Variants in PLEKHO1 observed in about 807,000 individuals in gnomAD.
The protein encoded by PLEKHO1 is pleckstrin homology domain-containing family O member 1.
A neutral mutation model predicts 41.4 loss-of-function variants in PLEKHO1; 22 were observed. The ratio of observed to expected loss-of-function variants is 0.53; its 90% CI spans 0.38 to 0.76. The LOEUF is 0.76. PLEKHO1 is among the 30% of genes least tolerant of loss of function. The probability of loss-of-function intolerance (pLI) is 0.00; values close to 1 mark genes in which losing one functional copy is unlikely to be tolerated. For missense variants in PLEKHO1, 488 were observed against 518.3 expected, an observed-to-expected ratio of 0.94 and a Z score of 0.57; for synonymous variants, 225 against 210.8, an observed-to-expected ratio of 1.07 and a Z score of -0.58.
chr1:150,152,131 C>T, intron 2 of PLEKHO1, among the ~76,000 whole-genome samples: 1 of 152,258 alleles, frequency 6.6e-6, no homozygotes. Flanking sequence ...TAAATAAAAC[C>T]TTTTATGGTA....
At chr1:150,157,778 T>C (rs1660235895) in intron 5 of PLEKHO1, among the ~76,000 whole-genome samples, 1 of 152,222 alleles carries the variant, frequency 6.6e-6, no homozygotes, top group Non-Finnish European at 1.5e-5. Flanking sequence ...GCTGTCTTGA[T>C]GGGTAACAAC....
At chr1:150,150,602 T>C in intron 1 of PLEKHO1, 1 of 271,928 alleles carries the variant, frequency 3.7e-6, no homozygotes, top group Non-Finnish European at 7.0e-6. Context: ...ACGCCGTTAG[T>C]CCCCGCGCGG....
rs782125454 is a variant in PLEKHO1 at position 150,159,093 on chromosome 1, G to T, written c.800G>T (p.Gly267Val). The T allele has an allele frequency of 6.2e-7, 1 of 1,613,914 alleles. No individual in the cohort carries two copies. The highest frequency in any genetic ancestry group is 1.1e-5 in the South Asian group (1 of 91,066). Residue 267 changes from glycine (G) to valine (V), a missense_variant, in exon 6 of 6, where the codon GGC becomes GTC. Around this residue, in one of 3 missense-constraint regions of PLEKHO1, gnomAD observed 337 missense variants for 324.6 expected, o/e 1.04. Transcript: ENST00000369124. ...AAGAAGTTGACGCCCACAGAGAAAG[G>T]CCGCTGCGCCTCCCTGGAGGAGATC... is the stretch of plus-strand genomic sequence containing the variant. ...APKKLTPTEK[G>V]RCASLEEILS...
At chr1:150,152,112 A>G (rs1553819162) in intron 2 of PLEKHO1, among the ~76,000 whole-genome samples, 1 of 152,176 alleles carries the variant, frequency 6.6e-6, no homozygotes, top group Non-Finnish European at 1.5e-5. Flanking sequence ...TCAGTAGATT[A>G]TATTTAGGTA....
Position 150,159,664 on chromosome 1 carries a change from A to C in PLEKHO1, c.*141A>C. 1 of 610,420 alleles carries C rather than the reference A, an allele frequency of 1.6e-6. No individual in the cohort carries two copies. Among genetic ancestry groups the C allele is most frequent in the Non-Finnish European group, 2.9e-6 (1 of 347,046 alleles). The allele number at this position is 610,420 out of a possible 1,614,324, so 37.8% of individuals were successfully genotyped here. A position where few individuals can be genotyped will look rare whatever the true frequency, so the allele number is the denominator to read the frequency against. On this transcript the variant is annotated 3_prime_UTR_variant, in exon 6 of 6. Coordinates refer to ENST00000369124, the MANE Select transcript of PLEKHO1 (RefSeq NM_016274.6). ...TCTTGCTGATGCCTGACCCCACTAC[A>C]ACCCTTATTGCCCCACCTACTTTCC... is the stretch of plus-strand genomic sequence containing the variant.
At chr1:150,150,463 T>G (rs587607178) in intron 1 of PLEKHO1, 176 bp downstream of exon 1, 1 of 174,494 alleles carries the variant, frequency 5.7e-6, no homozygotes, top group East Asian at 1.9e-4. Context: ...GTTTGTTTAC[T>G]CGCCTCGGGG....
chr1:150,155,888 C>T (rs989393213), intron 2 of PLEKHO1, 178 bp from the exon 3 acceptor site: 31 of 623,308 alleles, frequency 5.0e-5, no homozygotes, highest in Non-Finnish European at 6.6e-5. Context: ...CTTGGAGCTG[C>T]CCTAGCGTCC....
intron 1 of PLEKHO1, 142 bp downstream of exon 1, chr1:150,150,429 CG>C: frequency 4.1e-6 from 1 of 241,426 alleles, no homozygotes; most frequent in Non-Finnish European, 6.7e-6. Flanking sequence ...GCCTCGGCCC[CG>C]CCAGGCGCCC....
intron 5 of PLEKHO1, 66 bp downstream of exon 5, chr1:150,157,552 T>C (rs2101691253): frequency 1.7e-6 from 2 of 1,156,334 alleles, no homozygotes; most frequent in South Asian, 1.3e-5. Context: ...CAGACAGAAC[T>C]GTATGCCACC....
At chr1:150,156,503 C>G (rs1451355902) in intron 3 of PLEKHO1, among the ~76,000 whole-genome samples, 1 of 152,174 alleles carries the variant, frequency 6.6e-6, no homozygotes, top group East Asian at 1.9e-4. Context: ...AGAAGAAAAT[C>G]CCTGTCCTTG....
Position 150,159,173 on chromosome 1 carries a change from C to G in PLEKHO1, c.880C>G (p.Pro294Ala). The G allele has an allele frequency of 6.2e-7, 1 of 1,611,818 alleles. No homozygotes were observed. ...CACCCTCCAGCTGCGGGCTGAGGAA[C>G]CCCCAACCCCTGCCCTCCCCAACCC... Reference protein sequence around the residue: ...ARTLQLRAEEPPTPALPNPGQ... With the variant: ...ARTLQLRAEEAPTPALPNPGQ... Residue 294 changes from proline to alanine, a missense_variant, in exon 6 of 6, where the codon CCC becomes GCC. Transcript: ENST00000369124.
chr1:150,150,847 C>T, intron 1 of PLEKHO1, 65 bp from the exon 2 acceptor site: 2 of 1,489,978 alleles, frequency 1.3e-6, no homozygotes, highest in East Asian at 4.5e-5. Context: ...TCGTGAGAGA[C>T]GGACGGAGAG....
chr1:150,157,474 C>T lies in PLEKHO1; in HGVS notation c.513C>T (p.His171=), dbSNP rs782455330. Reference sequence around the variant, plus strand: ...CCCGCCGCCCCCCAACAAGGGGACACCTAATGGCTGTGGTATGTAAGACTG... The same window carrying T: ...CCCGCCGCCCCCCAACAAGGGGACATCTAATGGCTGTGGTATGTAAGACTG... The part of the protein sequence containing the change: ...QHSRRPPTRG[H]LMAVASTSTS... Residue 171 remains histidine, a synonymous_variant, in exon 5 of 6, where the codon CAC becomes CAT. Transcript: ENST00000369124. 27 of 1,610,894 alleles carry T rather than the reference C, an allele frequency of 1.7e-5. No individual in the cohort carries two copies. Among genetic ancestry groups the T allele is most frequent in the Non-Finnish European group, 2.2e-5 (26 of 1,177,182 alleles).
At chr1:150,150,665 C>T (rs1239322854) in intron 1 of PLEKHO1, 3 of 479,912 alleles carry the variant, frequency 6.3e-6, no homozygotes, top group African/African-American at 2.0e-5. Context: ...GGAGCCTCTC[C>T]GCGCCCGGCC....
At chr1:150,154,188 C>T (rs587606787) in intron 2 of PLEKHO1, 1 of 152,408 alleles carries the variant, frequency 6.6e-6, no homozygotes, top group Admixed American at 6.5e-5. Flanking sequence ...CTTTCCTCTC[C>T]ACGGTTTCTG....
At chr1:150,153,233 G>T (rs959954282) in intron 2 of PLEKHO1, among the ~76,000 whole-genome samples, 3 of 152,168 alleles carry the variant, frequency 2.0e-5, no homozygotes, top group African/African-American at 7.2e-5. Flanking sequence ...TGTCGCCCAC[G>T]CTGGAGTGCA....
chr1:150,151,692 C>T (rs1553819074), intron 2 of PLEKHO1, among the ~76,000 whole-genome samples: 1 of 152,034 alleles, frequency 6.6e-6, no homozygotes, highest in African/African-American at 2.4e-5. Flanking sequence ...CCCACCCCTC[C>T]ATTTGTATCA....
Position 150,150,255 on chromosome 1 carries a change from G to C in PLEKHO1, c.-3G>C, listed in dbSNP as rs1559957290. 5 of 1,106,056 alleles carry C rather than the reference G, an allele frequency of 4.5e-6. No individual in the cohort carries two copies. Among genetic ancestry groups the C allele is most frequent in the Non-Finnish European group, 5.6e-6 (5 of 900,262 alleles). The allele number at this position is 1,106,056 out of a possible 1,614,324, so 68.5% of individuals were successfully genotyped here. On this transcript the variant is annotated 5_prime_UTR_variant, in exon 1 of 6. Transcript: ENST00000369124. ...CGCCGCCCCGCGCCCGCGCCCGCTG[G>C]GAATGATGAAGAAGAACAATTCCGC...
At chr1:150,158,775 C>T (rs781960125) in intron 5 of PLEKHO1, 44 bp from the exon 6 acceptor site, 4 of 1,369,252 alleles carry the variant, frequency 2.9e-6, no homozygotes, top group Non-Finnish European at 3.0e-6. Context: ...CCGAAAATCC[C>T]TCCTGATGAC....
Sources: gnomAD v4.1 joint callset for allele counts (sites outside exome capture counted in the v4.1 genomes callset) on GRCh38, gnomAD v4.1.1 for gene constraint, gnomAD v4.1.1 regional missense constraint, MANE v1.5 for transcripts, NCBI Gene and HGNC (gene_info 2026-07-23, HGNC 2026-07-21) for gene names.